The following DSC1 variants were observed in gnomAD, a reference collection of about 807,000 sequenced individuals.
The protein encoded by DSC1 is desmocollin 1.
In DSC1, 79 loss-of-function variants were observed where a neutral mutation model predicts 98.8. The ratio of observed to expected loss-of-function variants is 0.80; its 90% confidence interval spans 0.67 to 0.96. The LOEUF (loss-of-function observed/expected upper bound fraction) is 0.96. Among genes scored for constraint, DSC1 ranks in the 50% least tolerant of loss-of-function variants. The pLI is 0.00. For synonymous variants in DSC1, 405 were observed against 372.1 expected (o/e 1.09, Z -1.02); for missense variants, 1,115 against 1,075.9 (o/e 1.04, Z -0.51).
At position 31,129,879 on chromosome 18, in the gene DSC1, G is replaced by C. The variant is rs1202873473; in HGVS notation, c.*635C>G. 6.6e-6 allele frequency: 1 copy of C among 152,164 alleles called. No homozygotes were observed. Among genetic ancestry groups the C allele is most frequent in the Non-Finnish European group, 1.5e-5 (1 of 68,084 alleles). The allele number at this position is 152,164 out of a possible 1,614,324, so 9.4% of individuals were successfully genotyped here. On this transcript the variant is annotated 3_prime_UTR_variant, in exon 16 of 16. Coordinates refer to ENST00000257198, the MANE Select transcript of DSC1 (RefSeq NM_024421.2). ...TTCCAAGAACCCTAGAAGTTGGAGT[G>C]ACCTAACAACAAATCCACATGGGCA...
At chr18:31,148,797 T>G (rs965840613) in intron 5 of DSC1, among the ~76,000 whole-genome samples, 155 bp from the exon 6 acceptor site, 1 of 152,118 alleles carries the variant, frequency 6.6e-6, no homozygotes, top group Non-Finnish European at 1.5e-5. Context: ...AACCCACAGA[T>G]GCAGTCTCTG....
In DSC1 at chr18:31,156,109, T is replaced by A. The variant is rs761343028; in HGVS notation, c.405A>T (p.Arg135=). The change falls in exon 4 of 16, where the codon CGA becomes CGT. Residue 135 remains arginine (R), a synonymous_variant. Transcript: ENST00000257198. The part of the protein sequence containing the change: ...KDTALKRSKR[R]WAPIPASLME... ...TCAATGAAGCTGGAATAGGAGCCCA[T>A]CGTCTCTTGCTGCGCTTGAGGGCTG... The A allele has an allele frequency of 3.3e-5, 53 of 1,614,058 alleles. No individual in the cohort carries two copies. In the Admixed American group the frequency reaches 8.5e-4, roughly 26 times the overall value.
chr18:31,130,832 T>C, intron 15 of DSC1, 121 bp from the exon 16 acceptor site: 2 of 1,610,990 alleles, frequency 1.2e-6, no homozygotes, highest in Non-Finnish European at 1.7e-6. Flanking sequence ...TGTCCTCTAA[T>C]GGATTCCTAT....
intron 5 of DSC1, among the ~76,000 whole-genome samples, chr18:31,151,360 T>G (rs1037090052): frequency 6.6e-6 from 1 of 152,188 alleles, no homozygotes; most frequent in Admixed American, 6.5e-5. Context: ...AATTGACTTA[T>G]GTTCATATGA....
In DSC1 at chr18:31,148,600, A is replaced by G; in HGVS notation, c.670T>C (p.Tyr224His). 6.2e-7 allele frequency: 1 copy of G among 1,608,902 alleles called. No individual in the cohort carries two copies. Among genetic ancestry groups the G allele is most frequent in the Non-Finnish European group, 8.5e-7 (1 of 1,176,264 alleles). The change falls in exon 6 of 16, where the codon TAT (tyrosine) becomes CAT (histidine). Residue 224 changes from tyrosine to histidine, a missense_variant. Transcript: ENST00000257198. ...ATTADGYAPE[Y>H]PLPLIIKIED... ...ATTTTGATGATCAAAGGGAGTGGATATTCTGGTGCATAGCCATCTGCAGTT... is the reference window on the plus strand; with the variant it reads ...ATTTTGATGATCAAAGGGAGTGGATGTTCTGGTGCATAGCCATCTGCAGTT...
chr18:31,141,178 T>G lies in DSC1; in HGVS notation c.1260+821A>C, dbSNP rs113646834. On this transcript the variant is annotated intron_variant, in intron 9 of 15. Coordinates refer to ENST00000257198, the MANE Select transcript of DSC1 (RefSeq NM_024421.2). ...CAAACTAATACAGTCCTAAAATGAATAGTTAGAAAGAATCCTAAAACAACA... is the reference window on the plus strand; with the variant it reads ...CAAACTAATACAGTCCTAAAATGAAGAGTTAGAAAGAATCCTAAAACAACA... 4.8e-3 allele frequency among the ~76,000 whole-genome samples: 732 copies of G among 151,172 alleles called. 7 individuals are homozygous for G. Among genetic ancestry groups the G allele is most frequent in the African/African-American group, 0.017 (684 of 41,098 alleles).
intron 14 of DSC1, 177 bp downstream of exon 14, chr18:31,132,391 C>T: frequency 1.3e-6 from 1 of 762,368 alleles, no homozygotes; most frequent in Non-Finnish European, 2.0e-6. Flanking sequence ...TTGTGACAGC[C>T]CTAGCCCTGT....
Position 31,140,044 on chromosome 18 carries a change from T to C in DSC1, c.1518A>G (p.Leu506=), listed in dbSNP as rs755302320. The change falls in exon 10 of 16, where the codon TTA becomes TTG. Residue 506 remains leucine (L), a splice_region_variant and synonymous_variant. Transcript: ENST00000257198. The part of the protein sequence containing the change: ...LDPEISSGEG[L]RYQKLGDEDN... ...GAGCTTTTTGAAAAGTACATCACCTTAAGCCTTCACCACTGGATATTTCCG... is the reference window on the plus strand; with the variant it reads ...GAGCTTTTTGAAAAGTACATCACCTCAAGCCTTCACCACTGGATATTTCCG... 7 of 1,613,526 alleles carry C rather than the reference T, an allele frequency of 4.3e-6. No individual in the cohort carries two copies. The highest frequency in any genetic ancestry group is 5.9e-6 in the Non-Finnish European group (7 of 1,179,718).
At chr18:31,146,534 T>C (rs1988850049) in intron 6 of DSC1, among the ~76,000 whole-genome samples, 1 of 152,340 alleles carries the variant, frequency 6.6e-6, no homozygotes. Context: ...TTGTGAATGG[T>C]GTGGCAACAA....
At chr18:31,142,320 C>G in intron 8 of DSC1, 136 bp from the exon 9 acceptor site, 2 of 875,282 alleles carry the variant, frequency 2.3e-6, no homozygotes, top group Non-Finnish European at 3.3e-6. Flanking sequence ...AAACATTTTA[C>G]AAATTTAATG....
At position 31,157,535 on chromosome 18, in the gene DSC1, G is replaced by A. The variant is rs140361113; in HGVS notation, c.187C>T (p.Arg63Trp). 1.7e-5 allele frequency: 27 copies of A among 1,614,152 alleles called. No individual in the cohort carries two copies. The South Asian group carries it at 2.3e-4, about 14-fold the overall frequency. Residue 63 changes from arginine to tryptophan, a missense_variant, in exon 3 of 16, where the codon CGG becomes TGG. Transcript: ENST00000257198. ...EECLKSASLI[R>W]SSDPAFRILE... ...ATTCTGAAGGCAGGGTCACTGGACC[G>A]GATTAGGCTGGCCGACTTGAGACAC...
chr18:31,154,746 T>C, intron 5 of DSC1, 28 bp downstream of exon 5: 1 of 1,549,492 alleles, frequency 6.5e-7, no homozygotes, highest in Non-Finnish European at 8.7e-7. Context: ...AAAGATATAA[T>C]TATGAATAAA....
At chr18:31,160,215 T>C (rs973432064) in intron 1 of DSC1, among the ~76,000 whole-genome samples, 2 of 152,172 alleles carry the variant, frequency 1.3e-5, no homozygotes, top group African/African-American at 4.8e-5. Flanking sequence ...ACATAGACAC[T>C]ATCTGAAAAA....
At chr18:31,155,033 C>G (rs1989069450) in intron 4 of DSC1, 104 bp from the exon 5 acceptor site, 1 of 1,303,272 alleles carries the variant, frequency 7.7e-7, no homozygotes, top group African/African-American at 1.5e-5. Context: ...CTTTCCTACT[C>G]TCCTATTCTT....
rs144318299 is a variant in DSC1, at chr18:31,158,136, G to A, written c.149-563C>T. Among the ~76,000 whole-genome samples, 888 of 152,164 alleles carry A rather than the reference G, an allele frequency of 5.8e-3. 7 individuals carry two copies. The highest frequency in any genetic ancestry group is 0.02 in the African/African-American group (848 of 41,510). On this transcript the variant is annotated intron_variant, in intron 2 of 15. Coordinates refer to ENST00000257198, the MANE Select transcript of DSC1 (RefSeq NM_024421.2). ...ACAAAAATTAGCCAAGCATGGTGGC[G>A]TGCACCTGTAATTCCAGCGACTCAG... is the stretch of plus-strand genomic sequence containing the variant.
At chr18:31,159,138 C>T in intron 2 of DSC1, among the ~76,000 whole-genome samples, 1 of 86,544 alleles carries the variant, frequency 1.2e-5, no homozygotes, top group Admixed American at 1.4e-4. Flanking sequence ...ACTGCAAGCT[C>T]CGCCTCTTGG....
chr18:31,142,245 T>C, intron 8 of DSC1, 61 bp from the exon 9 acceptor site: 4 of 1,518,554 alleles, frequency 2.6e-6, no homozygotes, highest in Non-Finnish European at 3.6e-6. Context: ...CTTTATATTC[T>C]AAAACACGTA....
chr18:31,129,411 T>A lies in DSC1; in HGVS notation c.*1103A>T, dbSNP rs1988436574. 6.6e-6 allele frequency: 1 copy of A among 152,050 alleles called. No individual in the cohort carries two copies. Among genetic ancestry groups the A allele is most frequent in the African/African-American group, 2.4e-5 (1 of 41,368 alleles). 9.4% of individuals were successfully genotyped at this position (152,050 alleles called of 1,614,324 possible). A position where few individuals can be genotyped will look rare whatever the true frequency, so the allele number is the denominator to read the frequency against. ...ACCATGTCCGGCTAATTTCTTATAT[T>A]TTTAGTAGAGTGGGGGTTTCTCATA... On this transcript the variant is annotated 3_prime_UTR_variant, in exon 16 of 16. Transcript: ENST00000257198.
intron 1 of DSC1, among the ~76,000 whole-genome samples, chr18:31,161,983 A>G (rs923102509): frequency 5.9e-5 from 9 of 152,200 alleles, no homozygotes; most frequent in African/African-American, 2.2e-4. Context: ...TTACAAAGCT[A>G]TTAAAAACCC....
Sources: gnomAD v4.1 joint callset for allele counts (sites outside exome capture counted in the v4.1 genomes callset) on GRCh38, gnomAD v4.1.1 for gene constraint, MANE v1.5 for transcripts, NCBI Gene and HGNC (gene_info 2026-07-23, HGNC 2026-07-21) for gene names.